The following TRPM7 variants were observed in gnomAD, a reference collection of about 807,000 sequenced individuals.
TRPM7 encodes LTRPC ion channel family member 7.
In TRPM7, 134 loss-of-function variants were observed where a neutral mutation model predicts 229.7. The ratio of observed to expected loss-of-function variants is 0.58; its 90% CI spans 0.51 to 0.67. TRPM7 has a LOEUF of 0.67. Ranked by LOEUF, TRPM7 falls within the 30% of genes least tolerant of loss-of-function variation. The pLI, the probability that TRPM7 is intolerant of heterozygous loss-of-function variation, is 0.00. For missense variants in TRPM7, 1,901 were observed against 2,210.0 expected, an observed-to-expected ratio of 0.86 and a Z score of 2.80; for synonymous variants, 699 against 715.2, an observed-to-expected ratio of 0.98 and a Z score of 0.36.
At chr15:50,669,376 A>G (rs2061943902) in intron 1 of TRPM7, among the ~76,000 whole-genome samples, 1 of 152,092 alleles carries the variant, frequency 6.6e-6, no homozygotes, top group South Asian at 2.1e-4. Context: ...TGGAGGCTGC[A>G]GTGAGCCGAG....
chr15:50,667,960 A>C (rs2061920053), intron 1 of TRPM7, among the ~76,000 whole-genome samples: 1 of 152,206 alleles, frequency 6.6e-6, no homozygotes, highest in Admixed American at 6.5e-5. Context: ...TATAATTCTG[A>C]TATGATTCAA....
rs544192499 is a variant in TRPM7 at position 50,686,721 on chromosome 15, T to G, written c.-188A>C. ...CAGCAGAAGCCGAGTCTTTCATAAT[T>G]GTGCGACCAACTCCTCCGGGTGACT... On this transcript the variant is annotated 5_prime_UTR_variant, in exon 1 of 39. Transcript: ENST00000646667. The G allele has an allele frequency of 1.4e-4, 104 of 719,408 alleles. No homozygotes were observed. In the East Asian group the frequency reaches 3.2e-3, roughly 22 times the overall value. The allele number at this position is 719,408 out of a possible 1,614,324, so 44.6% of individuals were successfully genotyped here. A position where few individuals can be genotyped will look rare whatever the true frequency, so the allele number is the denominator to read the frequency against.
intron 2 of TRPM7, 136 bp downstream of exon 2, chr15:50,662,831 T>C (rs2061765091): frequency 1.4e-6 from 1 of 711,522 alleles, no homozygotes; most frequent in Non-Finnish European, 2.4e-6. Flanking sequence ...CCAAATTAAA[T>C]GATTAACAGT....
Position 50,577,113 on chromosome 15 carries a change from A to G in TRPM7, c.4619-1194T>C, listed in dbSNP as rs535607434. ...GTGACAGAGAGATCCTGTCTTTGGC[A>G]GGGGAGGGGGCGGGAGGCGTGGAAT... On this transcript the variant is annotated intron_variant, in intron 31 of 38. Transcript: ENST00000646667. Among the ~76,000 whole-genome samples the G allele has an allele frequency of 3.8e-5, 5 of 132,844 alleles. No individual in the cohort carries two copies. In the South Asian group the frequency reaches 1.1e-3, roughly 29 times the overall value. The allele number at this position is 132,844 out of a possible 152,430, so 87.2% of individuals were successfully genotyped here.
rs1204502202 is a variant in TRPM7, at chr15:50,686,783, G to T, written c.-250C>A. ...CGCGCCCGCGCCCGCCTCCGCCGGC[G>T]ACGGGGCTGGGGACGGACCACGTGA... On this transcript the variant is annotated 5_prime_UTR_variant, in exon 1 of 39. Transcript: ENST00000646667. 3 of 434,658 alleles carry T rather than the reference G, an allele frequency of 6.9e-6. No individual in the cohort carries two copies. Among genetic ancestry groups the T allele is most frequent in the African/African-American group, 4.2e-5 (2 of 47,434 alleles). The allele number at this position is 434,658 out of a possible 1,614,324, so 26.9% of individuals were successfully genotyped here. A position where few individuals can be genotyped will look rare whatever the true frequency, so the allele number is the denominator to read the frequency against.
intron 1 of TRPM7, among the ~76,000 whole-genome samples, chr15:50,678,971 T>G (rs2062166888): frequency 6.6e-6 from 1 of 152,172 alleles, no homozygotes; most frequent in South Asian, 2.1e-4. Flanking sequence ...CCTCCTGGGT[T>G]CAAGAGATTC....
intron 28 of TRPM7, 44 bp downstream of exon 28, chr15:50,586,348 A>C (rs1264596838): frequency 8.0e-7 from 1 of 1,254,014 alleles, no homozygotes; most frequent in East Asian, 2.3e-5. Context: ...TAAAGTGTAA[A>C]TGAGTATGTT....
At chr15:50,675,258 G>A (rs77426417) in intron 1 of TRPM7, among the ~76,000 whole-genome samples, 3,148 of 151,536 alleles carry the variant, frequency 0.021, 127 homozygotes, top group African/African-American at 0.073. Flanking sequence ...CAGGAGAATC[G>A]ACTGAACCCA....
At chr15:50,594,195 T>A (rs529888398) in intron 24 of TRPM7, among the ~76,000 whole-genome samples, 1 of 152,318 alleles carries the variant, frequency 6.6e-6, no homozygotes, top group Admixed American at 6.5e-5. Context: ...TCGGTTTACA[T>A]TACCATTTTA....
chr15:50,678,245 A>AC (rs1567127351), intron 1 of TRPM7, among the ~76,000 whole-genome samples: 1 of 147,238 alleles, frequency 6.8e-6, no homozygotes, highest in African/African-American at 2.5e-5. Flanking sequence ...CTCTCAAAAA[A>AC]AAAAAACAAA....
intron 27 of TRPM7, among the ~76,000 whole-genome samples, chr15:50,587,293 T>A (rs766528519): frequency 1.3e-5 from 2 of 152,086 alleles, no homozygotes; most frequent in Non-Finnish European, 2.9e-5. Flanking sequence ...TATTTCAAAT[T>A]TCTTTTGACT....
chr15:50,672,601 T>G (rs1214370204), intron 1 of TRPM7, among the ~76,000 whole-genome samples: 1 of 151,886 alleles, frequency 6.6e-6, no homozygotes, highest in African/African-American at 2.4e-5. Context: ...AGTAAAATAA[T>G]TTTAAAATGT....
At chr15:50,593,792 A>G in intron 24 of TRPM7, 43 bp from the exon 25 acceptor site, 1 of 1,564,680 alleles carries the variant, frequency 6.4e-7, no homozygotes, top group Non-Finnish European at 8.6e-7. Context: ...AGAGCTATCA[A>G]GGTTTCAACT....
intron 26 of TRPM7, among the ~76,000 whole-genome samples, chr15:50,590,795 G>A (rs558816989): frequency 6.0e-5 from 9 of 150,490 alleles, no homozygotes; most frequent in Non-Finnish European, 1.2e-4. Flanking sequence ...CTGCACTCCC[G>A]CCTGGGCGAC....
rs199830763 is a variant in TRPM7, at chr15:50,650,075, C to T, written c.123-1190G>A. Among the ~76,000 whole-genome samples the T allele has an allele frequency of 3.3e-5, 5 of 151,450 alleles. No individual in the cohort carries two copies. The East Asian group carries it at 5.8e-4, about 18-fold the overall frequency. The stretch of plus-strand genomic sequence containing the variant: ...GGGCATGGTGGCGCGTGCCTGTAAT[C>T]CCAGCTACTCAGGAGGCTGAGGCAG... On this transcript the variant is annotated intron_variant, in intron 3 of 38. Transcript: ENST00000646667.
At chr15:50,587,405 C>CCT (rs2059371548) in intron 27 of TRPM7, among the ~76,000 whole-genome samples, 1 of 91,646 alleles carries the variant, frequency 1.1e-5, no homozygotes, top group South Asian at 3.8e-4. Flanking sequence ...ATAAATACTG[C>CCT]TTTTTTTTTT....
At chr15:50,576,941 T>C (rs2054162471) in intron 31 of TRPM7, among the ~76,000 whole-genome samples, 2 of 151,862 alleles carry the variant, frequency 1.3e-5, no homozygotes, top group Admixed American at 6.6e-5. Flanking sequence ...GGCCCCATTA[T>C]CAACAAAAAA....
At position 50,609,721 on chromosome 15, in the gene TRPM7, C is replaced by A. The variant is rs750734749; in HGVS notation, c.2440G>T (p.Val814Leu). The change falls in exon 19 of 39, where the codon GTG becomes TTG. Residue 814 changes from valine (V) to leucine (L), a missense_variant. Physicochemically the swap from Val to Leu is conservative, Grantham distance 32. Transcript: ENST00000646667. ...QNITEEIPME[V>L]FKEVRILDSN... ...TCCAAAATCCGTACTTCTTTAAACA[C>A]TTCCTAAAATTAAAAAAAAAAAAAT... is the stretch of plus-strand genomic sequence containing the variant. The A allele has an allele frequency of 6.4e-7, 1 of 1,560,458 alleles. No individual in the cohort carries two copies.
At chr15:50,653,155 C>G (rs891788166) in intron 3 of TRPM7, among the ~76,000 whole-genome samples, 3 of 151,858 alleles carry the variant, frequency 2.0e-5, no homozygotes, top group Non-Finnish European at 2.9e-5. Flanking sequence ...CCACTCCCCC[C>G]AAAAAGAAAA....
Sources: allele counts gnomAD v4.1 joint callset (sites outside exome capture counted in the v4.1 genomes callset), GRCh38; gene constraint gnomAD v4.1.1; transcripts MANE v1.5; gene names NCBI Gene and HGNC (gene_info 2026-07-23, HGNC 2026-07-21).